NAGPA: variants seen among roughly 807,000 people sequenced by gnomAD.
NAGPA encodes the protein N-acetylglucosamine-1-phosphodiester alpha-N-acetylglucosaminidase.
A neutral mutation model predicts 48.5 loss-of-function variants in NAGPA; 56 were observed. The observed-to-expected ratio is 1.15, with a 90% CI of 0.93 to 1.44. The LOEUF is 1.44. Among genes scored for constraint, NAGPA ranks in the 40% most tolerant of loss-of-function variants. The pLI, the probability that NAGPA is intolerant of heterozygous loss-of-function variation, is 0.00. For synonymous variants in NAGPA, 399 were observed against 315.5 expected, an observed-to-expected ratio of 1.26 and a Z score of -2.81; for missense variants, 888 against 735.0, an observed-to-expected ratio of 1.21 and a Z score of -2.41.
intron 3 of NAGPA, chr16:5,030,773 C>T (rs1405907776): frequency 1.4e-5 from 7 of 495,122 alleles, no homozygotes; most frequent in African/African-American, 1.2e-4. Context: ...GCATGCCCTC[C>T]CCAGCCTCTT....
rs1451997012 is a variant in NAGPA, at chr16:5,033,812, C to T, written c.86+17G>A. 3.2e-6 allele frequency: 5 copies of T among 1,556,082 alleles called. No homozygotes were observed. Among genetic ancestry groups the T allele is most frequent in the Non-Finnish European group, 4.3e-6 (5 of 1,150,870 alleles). On this transcript the variant is annotated intron_variant, in intron 1 of 9. Transcript: ENST00000312251. The surrounding 1 kb of genome is among the most constrained non-coding windows in gnomAD (Gnocchi z 4.2). ...GGGGACCCCCCGAACCAGGCTGGCC[C>T]AGGGAGCTGCACTCACCCCGAGTCG...
chr16:5,033,238 TG>T lies in NAGPA; in HGVS notation c.542+34del. On this transcript the variant is annotated intron_variant, in intron 2 of 9. Coordinates refer to ENST00000312251, the MANE Select transcript of NAGPA (RefSeq NM_016256.4). This position sits in a 1 kb window ranked among gnomAD's most constrained non-coding sequence, Gnocchi z 4.2. ...GCTACAACCCAAATCTCAGGCCCTC[TG>T]CCCTCGACAGCACGGGGCTCCCTGC... is the stretch of plus-strand genomic sequence containing the variant. 1.3e-6 allele frequency: 2 copies of T among 1,562,466 alleles called. No homozygotes were observed. The highest frequency in any genetic ancestry group is 1.7e-6 in the Non-Finnish European group (2 of 1,162,738).
chr16:5,025,771 G>A (rs2142554348), intron 9 of NAGPA, 86 bp from the exon 10 acceptor site: 2 of 1,368,280 alleles, frequency 1.5e-6, no homozygotes, highest in Non-Finnish European at 2.0e-6. Flanking sequence ...CCTCTACCCG[G>A]CATAGATAGC....
intron 5 of NAGPA, chr16:5,028,626 C>T (rs2142559918): frequency 3.4e-6 from 2 of 591,776 alleles, no homozygotes; most frequent in East Asian, 6.2e-5. Flanking sequence ...GAAGGCTCTC[C>T]CACCCCCACC....
Position 5,028,871 on chromosome 16 carries a change from C to T in NAGPA, c.920+9G>A, listed in dbSNP as rs1395133956. ...TCAGCCCTCACGAAGGCGGCTCTCA[C>T]GTGCTTACCAGTGATCTGACGGGTA... On this transcript the variant is annotated intron_variant, in intron 5 of 9. Transcript: ENST00000312251. 5.0e-6 allele frequency: 8 copies of T among 1,613,956 alleles called. No homozygotes were observed. Among genetic ancestry groups the T allele is most frequent in the Middle Eastern group, 1.6e-4 (1 of 6,062 alleles).
chr16:5,029,157 C>T (rs1956058988), intron 4 of NAGPA, 149 bp from the exon 5 acceptor site: 1 of 1,347,772 alleles, frequency 7.4e-7, no homozygotes, highest in Non-Finnish European at 1.0e-6. Context: ...ATCCTAGCCC[C>T]CGGAAGCTGT....
At chr16:5,032,960 A>G in intron 2 of NAGPA, 1 of 492,758 alleles carries the variant, frequency 2.0e-6, no homozygotes, top group Non-Finnish European at 3.6e-6. Flanking sequence ...TGCTGCACAC[A>G]CAGCAATCAG....
chr16:5,030,248 G>A (rs1449202748), intron 4 of NAGPA, 137 bp downstream of exon 4: 3 of 775,866 alleles, frequency 3.9e-6, no homozygotes, highest in African/African-American at 3.4e-5. Flanking sequence ...GGGAAGGTGA[G>A]GGGGCCCTGG....
chr16:5,029,288 G>A (rs770180575), intron 4 of NAGPA: 5 of 473,370 alleles, frequency 1.1e-5, no homozygotes, highest in Non-Finnish European at 1.9e-5. Context: ...TCAACACAGA[G>A]AGCCTTCTCT....
rs757364210 is a variant in NAGPA at position 5,028,001 on chromosome 16, G to C, written c.1105C>G (p.Gln369Glu). 34 of 1,611,858 alleles carry C rather than the reference G, an allele frequency of 2.1e-5. No individual in the cohort carries two copies. Among genetic ancestry groups the C allele is most frequent in the Non-Finnish European group, 2.6e-5 (31 of 1,179,730 alleles). ...TCACTCTCCGTGCACAGTCCGTGCT[G>C]GCTGCAGTTAGAGGGGCCACAGTCC... is the stretch of plus-strand genomic sequence containing the variant. ...ELDCGPSNCS[Q>E]HGLCTETGCR... The change falls in exon 6 of 10, where the codon CAG becomes GAG. Residue 369 changes from glutamine (Q) to glutamate (E), a missense_variant. By Grantham distance (29) the Gln-to-Glu change is conservative. Coordinates refer to ENST00000312251, the MANE Select transcript of NAGPA (RefSeq NM_016256.4).
At position 5,033,376 on chromosome 16, in the gene NAGPA, C is replaced by G; in HGVS notation, c.439G>C (p.Glu147Gln). ...TCGCTCACCACGTTCCCCAGGCACT[C>G]GCCCGAGTTCATGCGGAAGAAGCCG... is the stretch of plus-strand genomic sequence containing the variant. The part of the protein sequence containing the change: ...NGGFFRMNSG[E>Q]CLGNVVSDER... The change falls in exon 2 of 10, where the codon GAG becomes CAG. Residue 147 changes from glutamate (E) to glutamine (Q), a missense_variant. Glu to Gln is a conservative substitution (Grantham distance 29). Transcript: ENST00000312251. This position sits in a 1 kb window ranked among gnomAD's most constrained non-coding sequence, Gnocchi z 4.2. 6.3e-7 allele frequency: 1 copy of G among 1,597,478 alleles called. No homozygotes were observed. The highest frequency in any genetic ancestry group is 8.5e-7 in the Non-Finnish European group (1 of 1,179,458).
intron 4 of NAGPA, chr16:5,029,459 C>G (rs896600931): frequency 3.7e-6 from 1 of 271,046 alleles, no homozygotes; most frequent in African/African-American, 2.2e-5. Context: ...TCAGTCACAA[C>G]TGAGGAGGCG....
chr16:5,028,700 C>T, intron 5 of NAGPA, 180 bp downstream of exon 5: 1 of 921,860 alleles, frequency 1.1e-6, no homozygotes, highest in African/African-American at 1.6e-5. Context: ...CTTTGCTGAC[C>T]AACTGACCCT....
chr16:5,031,633 G>T (rs1956097409), intron 3 of NAGPA, 112 bp downstream of exon 3: 3 of 1,432,900 alleles, frequency 2.1e-6, no homozygotes, highest in East Asian at 2.3e-5. Context: ...CCAGAATAGT[G>T]CTGGGCACAA....
At chr16:5,030,802 C>A (rs372978245) in intron 3 of NAGPA, among the ~76,000 whole-genome samples, 20 of 152,200 alleles carry the variant, frequency 1.3e-4, no homozygotes, top group African/African-American at 3.9e-4. Context: ...TGCCTCAGCT[C>A]CTGGGTGTCC....
chr16:5,027,069 G>C, intron 9 of NAGPA, 66 bp downstream of exon 9: 1 of 1,583,676 alleles, frequency 6.3e-7, no homozygotes, highest in African/African-American at 1.3e-5. Context: ...GACCTCACAG[G>C]GGAAGGGTGC....
chr16:5,031,912 C>G, intron 2 of NAGPA, 28 bp from the exon 3 acceptor site: 2 of 1,614,046 alleles, frequency 1.2e-6, no homozygotes, highest in Non-Finnish European at 1.7e-6. Context: ...GGGAAGCTCA[C>G]TCACCAGCAG....
intron 2 of NAGPA, chr16:5,032,920 T>G: frequency 5.6e-6 from 2 of 358,566 alleles, no homozygotes; most frequent in Middle Eastern, 8.4e-4. Flanking sequence ...ATCAACACTA[T>G]TTACAACGGG....
chr16:5,027,781 G>C, intron 7 of NAGPA, 65 bp downstream of exon 7: 2 of 1,544,522 alleles, frequency 1.3e-6, no homozygotes, highest in Non-Finnish European at 1.8e-6. Flanking sequence ...AGAAGCAGCA[G>C]AGGAGCAGTG....
Sources: allele counts gnomAD v4.1 joint callset (sites outside exome capture counted in the v4.1 genomes callset), GRCh38; gene constraint gnomAD v4.1.1; non-coding constraint Gnocchi (gnomAD v3.1); transcripts MANE v1.5; gene names NCBI Gene and HGNC (gene_info 2026-07-23, HGNC 2026-07-21).